Variants in SDK2 observed in about 807,000 individuals in gnomAD.
The protein encoded by SDK2 is sidekick cell adhesion molecule 2.
A neutral mutation model predicts 253.9 loss-of-function variants in SDK2; 105 were observed. The observed-to-expected ratio is 0.41, with a 90% CI of 0.35 to 0.49. The LOEUF is 0.49. SDK2 is among the 20% of genes least tolerant of loss of function. SDK2 has a pLI of 0.06. For synonymous variants in SDK2, 1,249 were observed against 1,234.9 expected (o/e 1.01, Z -0.24); for missense variants, 2,608 against 3,003.0 (o/e 0.87, Z 3.07).
At chr17:73,388,986 C>T (rs777948797) in intron 29 of SDK2, among the ~76,000 whole-genome samples, 1 of 126,816 alleles carries the variant, frequency 7.9e-6, no homozygotes, top group Non-Finnish European at 1.6e-5. Context: ...CTTCCCCTTC[C>T]CCTTCCCCTC....
chr17:73,563,354 G>A (rs1035243598), intron 1 of SDK2, among the ~76,000 whole-genome samples: 7 of 152,204 alleles, frequency 4.6e-5, no homozygotes, highest in Admixed American at 2.0e-4. Flanking sequence ...CAGGAGAATC[G>A]CTTGAGGCCA....
At chr17:73,587,828 T>A (rs773631809) in intron 1 of SDK2, among the ~76,000 whole-genome samples, 1 of 152,214 alleles carries the variant, frequency 6.6e-6, no homozygotes, top group Non-Finnish European at 1.5e-5. Context: ...AGTCTTCTCA[T>A]TGCTTTGTGA....
chr17:73,581,002 G>C (rs1188133897), intron 1 of SDK2, among the ~76,000 whole-genome samples: 2 of 152,006 alleles, frequency 1.3e-5, no homozygotes, highest in Non-Finnish European at 2.9e-5. Flanking sequence ...AAGTGTCTCA[G>C]CCTTCCAAGT....
In SDK2 at chr17:73,438,054, C is replaced by A. The variant is rs73347768; in HGVS notation, c.826G>T (p.Gly276Cys). ...CACTCGTAGTAGCCGGCGTCACTGCCGGTGGGGTTGGGGATGGTGAGCCGG... is the reference window on the plus strand; with the variant it reads ...CACTCGTAGTAGCCGGCGTCACTGCAGGTGGGGTTGGGGATGGTGAGCCGG... ...NRRLTIPNPTGSDAGYYECEA... is the reference protein window; with the variant it reads ...NRRLTIPNPTCSDAGYYECEA... The change falls in exon 7 of 45, where the codon GGC becomes TGC. Residue 276 changes from glycine (G) to cysteine (C), a missense_variant. Gly to Cys is a radical substitution (Grantham distance 159). This residue lies in a region of SDK2 where 1,505 missense variants were observed against 1,859.1 expected (regional missense o/e 0.81). Transcript: ENST00000392650. 2.6e-6 allele frequency: 4 copies of A among 1,551,538 alleles called. No individual in the cohort carries two copies. The highest frequency in any genetic ancestry group is 3.5e-6 in the Non-Finnish European group (4 of 1,147,018).
At chr17:73,590,427 C>T (rs970576165) in intron 1 of SDK2, among the ~76,000 whole-genome samples, 6 of 152,236 alleles carry the variant, frequency 3.9e-5, no homozygotes, top group Non-Finnish European at 5.9e-5. Context: ...TGACTTTGCT[C>T]GTTGCCAAGA....
chr17:73,354,813 G>A (rs761959031), intron 40 of SDK2, among the ~76,000 whole-genome samples: 17 of 152,090 alleles, frequency 1.1e-4, no homozygotes, highest in Non-Finnish European at 1.8e-4. Flanking sequence ...TGCACCCTCT[G>A]GTTGAAGCTG....
intron 1 of SDK2, among the ~76,000 whole-genome samples, chr17:73,551,587 T>C (rs947723476): frequency 6.6e-6 from 1 of 152,174 alleles, no homozygotes; most frequent in African/African-American, 2.4e-5. Context: ...TAACCCCTCC[T>C]GGACCAAGCA....
At chr17:73,536,408 A>G (rs1019374567) in intron 1 of SDK2, among the ~76,000 whole-genome samples, 1 of 151,690 alleles carries the variant, frequency 6.6e-6, no homozygotes, top group African/African-American at 2.4e-5. Flanking sequence ...TTCCACCCCA[A>G]CCCCTCTCCA....
In SDK2 at chr17:73,606,489, T is replaced by C. The variant is rs552061672; in HGVS notation, c.64+37536A>G. Among the ~76,000 whole-genome samples the C allele has an allele frequency of 2.6e-5, 4 of 152,256 alleles. No homozygotes were observed. The East Asian group carries it at 7.7e-4, about 29-fold the overall frequency. On this transcript the variant is annotated intron_variant, in intron 1 of 44. Transcript: ENST00000392650. ...GCTGCCACCTCCTCAGAGCCTGGTATGGGCCGGGTCCTCTCCTATTTTACC... is the reference window on the plus strand; with the variant it reads ...GCTGCCACCTCCTCAGAGCCTGGTACGGGCCGGGTCCTCTCCTATTTTACC...
chr17:73,381,100 G>A (rs940628197), intron 33 of SDK2, 150 bp from the exon 34 acceptor site: 7 of 633,874 alleles, frequency 1.1e-5, no homozygotes, highest in African/African-American at 9.1e-5. Flanking sequence ...AATTTCCAAT[G>A]CTGAGTTACG....
intron 36 of SDK2, among the ~76,000 whole-genome samples, chr17:73,369,747 C>A (rs994501290): frequency 6.6e-6 from 1 of 152,144 alleles, no homozygotes; most frequent in Non-Finnish European, 1.5e-5. Context: ...CACGGGTTCA[C>A]GCCATTCTCC....
In SDK2 at chr17:73,470,271, A is replaced by ACATG. The variant is rs539162532; in HGVS notation, c.331+1837_331+1840dup. Among the ~76,000 whole-genome samples, 60 of 151,618 alleles carry ACATG rather than the reference A, an allele frequency of 4.0e-4. 1 individual carries two copies. The highest frequency in any genetic ancestry group is 1.3e-3 in the African/African-American group (54 of 41,286). On this transcript the variant is annotated intron_variant, in intron 3 of 44. Transcript: ENST00000392650. Reference sequence around the variant, plus strand: ...GCAACAGAAACATATACCCAAGCACACATGCATGCATGCATGCAAACACAC... The same window carrying ACATG: ...GCAACAGAAACATATACCCAAGCACACATGCATGCATGCATGCATGCAAACACAC...
intron 1 of SDK2, among the ~76,000 whole-genome samples, chr17:73,554,346 G>T (rs1435114362): frequency 6.6e-6 from 1 of 152,200 alleles, no homozygotes; most frequent in Non-Finnish European, 1.5e-5. Context: ...CGGTACCTCA[G>T]AATGCAACTA....
At chr17:73,406,449 T>C (rs1374519839) in intron 18 of SDK2, among the ~76,000 whole-genome samples, 2 of 151,926 alleles carry the variant, frequency 1.3e-5, no homozygotes, top group African/African-American at 4.8e-5. Context: ...GGGATTTCAC[T>C]ATGTTGGCCA....
intron 3 of SDK2, among the ~76,000 whole-genome samples, chr17:73,471,404 C>T (rs1422282177): frequency 2.0e-5 from 3 of 152,144 alleles, no homozygotes; most frequent in Non-Finnish European, 4.4e-5. Flanking sequence ...TGGAGACCAG[C>T]CTGGCCAACA....
At position 73,565,503 on chromosome 17, in the gene SDK2, C is replaced by T. The variant is rs768943167; in HGVS notation, c.65-57906G>A. 2.0e-5 allele frequency among the ~76,000 whole-genome samples: 3 copies of T among 152,190 alleles called. No individual in the cohort carries two copies. In the East Asian group the frequency reaches 5.8e-4, roughly 29 times the overall value. On this transcript the variant is annotated intron_variant, in intron 1 of 44. Transcript: ENST00000392650. The stretch of plus-strand genomic sequence containing the variant: ...TACACAATAGAAAAGGCAATCAATA[C>T]AGATTGTTTTAAAACAGCTATTATA...
At chr17:73,407,869 C>G (rs1187163249) in intron 18 of SDK2, among the ~76,000 whole-genome samples, 2 of 152,068 alleles carry the variant, frequency 1.3e-5, no homozygotes, top group African/African-American at 4.8e-5. Context: ...TTTTTGAAAG[C>G]ATTTCAGCTA....
intron 1 of SDK2, among the ~76,000 whole-genome samples, chr17:73,633,878 C>T (rs919058768): frequency 1.3e-5 from 2 of 151,706 alleles, no homozygotes; most frequent in Non-Finnish European, 2.9e-5. Context: ...AACAGGGGTT[C>T]GAAAGGGGAG....
intron 1 of SDK2, chr17:73,513,700 C>T (rs2063999877): frequency 6.6e-6 from 1 of 152,220 alleles, no homozygotes; most frequent in Non-Finnish European, 1.5e-5. Flanking sequence ...GAATGCCTAT[C>T]AAGAGGGCAC....
Sources: allele counts gnomAD v4.1 joint callset (sites outside exome capture counted in the v4.1 genomes callset), GRCh38; gene constraint gnomAD v4.1.1; regional missense constraint gnomAD v4.1.1; transcripts MANE v1.5; gene names NCBI Gene and HGNC (gene_info 2026-07-23, HGNC 2026-07-21).